EIF2B3: variants seen among roughly 807,000 people sequenced by gnomAD.
EIF2B3 encodes the protein eukaryotic translation initiation factor 2B subunit gamma, also known as translation initiation factor eIF2B subunit gamma.
Under a neutral mutation model 54.1 loss-of-function variants are expected in EIF2B3, and 20 were observed. That is an observed-to-expected ratio of 0.37 (90% CI 0.26 to 0.54). The LOEUF (loss-of-function observed/expected upper bound fraction) is 0.54. EIF2B3 is among the 20% of genes least tolerant of loss of function. The pLI is 0.86. For missense variants in EIF2B3, 448 were observed against 547.8 expected (o/e 0.82, Z 1.82); for synonymous variants, 153 against 188.1 (o/e 0.81, Z 1.52).
At chr1:44,856,185 C>T (rs1654428320) in intron 11 of EIF2B3, among the ~76,000 whole-genome samples, 1 of 152,098 alleles carries the variant, frequency 6.6e-6, no homozygotes, top group African/African-American at 2.4e-5. Context: ...TCTCACAATT[C>T]TCCAAGGTAG....
At chr1:44,887,242 C>T (rs1369279135) in intron 6 of EIF2B3, among the ~76,000 whole-genome samples, 2 of 152,196 alleles carry the variant, frequency 1.3e-5, no homozygotes, top group Non-Finnish European at 2.9e-5. Context: ...CTTCTTACAT[C>T]TGACTGGGTC....
chr1:44,892,791 T>A (rs974958478), intron 6 of EIF2B3, among the ~76,000 whole-genome samples: 3 of 152,196 alleles, frequency 2.0e-5, no homozygotes. Context: ...ACAGCCCTGT[T>A]GAGAAGGTGT....
At chr1:44,915,342 C>T (rs920598161) in intron 5 of EIF2B3, among the ~76,000 whole-genome samples, 1 of 151,966 alleles carries the variant, frequency 6.6e-6, no homozygotes, top group Non-Finnish European at 1.5e-5. Context: ...GATAGGGTCT[C>T]GTTCTGTCAT....
intron 1 of EIF2B3, among the ~76,000 whole-genome samples, chr1:44,985,853 A>G (rs1258547977): frequency 3.3e-5 from 5 of 152,214 alleles, no homozygotes; most frequent in African/African-American, 9.6e-5. Flanking sequence ...TGCCTGCATC[A>G]TAGCACTCAT....
intron 3 of EIF2B3, among the ~76,000 whole-genome samples, chr1:44,961,757 C>G (rs1158935689): frequency 6.6e-6 from 1 of 152,114 alleles, no homozygotes; most frequent in East Asian, 1.9e-4. Flanking sequence ...ATAGATGAAT[C>G]AAATGCAAGT....
chr1:44,899,810 C>T (rs1182797342), intron 5 of EIF2B3, among the ~76,000 whole-genome samples: 1 of 152,198 alleles, frequency 6.6e-6, no homozygotes, highest in East Asian at 1.9e-4. Flanking sequence ...AACTACCTCT[C>T]AACCAGCAAT....
chr1:44,880,988 A>T (rs1348498080), intron 7 of EIF2B3, among the ~76,000 whole-genome samples: 1 of 152,058 alleles, frequency 6.6e-6, no homozygotes, highest in Admixed American at 6.5e-5. Context: ...AAAAGACACA[A>T]TGCTAGTAAG....
intron 3 of EIF2B3, among the ~76,000 whole-genome samples, chr1:44,961,859 G>A (rs1321041259): frequency 1.3e-5 from 2 of 152,074 alleles, no homozygotes; most frequent in Non-Finnish European, 2.9e-5. Context: ...ATGAAAGCCT[G>A]TGTTCTTTTC....
intron 5 of EIF2B3, among the ~76,000 whole-genome samples, chr1:44,908,344 A>G (rs999576128): frequency 5.9e-5 from 9 of 152,232 alleles, no homozygotes; most frequent in Non-Finnish European, 1.3e-4. Context: ...ATAGGGGAGC[A>G]CAAAGGAAGA....
chr1:44,908,988 A>G (rs1309716001), intron 5 of EIF2B3, among the ~76,000 whole-genome samples: 2 of 152,204 alleles, frequency 1.3e-5, no homozygotes, highest in African/African-American at 4.8e-5. Flanking sequence ...GACAAATGGA[A>G]GAATGAAGAG....
intron 4 of EIF2B3, among the ~76,000 whole-genome samples, chr1:44,934,981 G>A (rs17393012): frequency 0.11 from 16,447 of 152,252 alleles, 989 homozygotes; most frequent in Non-Finnish European, 0.14. Flanking sequence ...AGTGCAGAGG[G>A]AGCTAAGCCG....
intron 5 of EIF2B3, among the ~76,000 whole-genome samples, chr1:44,901,620 G>A (rs551786435): frequency 6.2e-5 from 9 of 146,044 alleles, no homozygotes; most frequent in Non-Finnish European, 1.0e-4. Context: ...GTGCTGTGGC[G>A]TGATCACAGC....
intron 8 of EIF2B3, 142 bp from the exon 9 acceptor site, chr1:44,875,837 C>A (rs1655110374): frequency 1.4e-6 from 1 of 724,098 alleles, no homozygotes; most frequent in Non-Finnish European, 2.5e-6. Flanking sequence ...GATGCCGAGC[C>A]AAAGCTGGAC....
intron 3 of EIF2B3, among the ~76,000 whole-genome samples, chr1:44,963,187 C>A (rs1052108505): frequency 2.0e-5 from 3 of 151,486 alleles, no homozygotes; most frequent in African/African-American, 7.3e-5. Flanking sequence ...TGTACTCCAG[C>A]CTGGGCAAGA....
At chr1:44,962,386 A>T (rs1557706693) in intron 3 of EIF2B3, among the ~76,000 whole-genome samples, 1 of 152,192 alleles carries the variant, frequency 6.6e-6, no homozygotes, top group Non-Finnish European at 1.5e-5. Context: ...AGTCACTGAA[A>T]TTCATCCTTA....
At chr1:44,909,911 A>G (rs1196770332) in intron 5 of EIF2B3, among the ~76,000 whole-genome samples, 2 of 152,240 alleles carry the variant, frequency 1.3e-5, no homozygotes, top group African/African-American at 4.8e-5. Flanking sequence ...CTGTAGTCCC[A>G]GAAATACAGA....
intron 5 of EIF2B3, among the ~76,000 whole-genome samples, chr1:44,906,652 G>A (rs1246172403): frequency 2.0e-5 from 3 of 151,910 alleles, no homozygotes; most frequent in East Asian, 3.9e-4. Context: ...CGCCCACCTC[G>A]GCCTCCCAAA....
At position 44,900,445 on chromosome 1, in the gene EIF2B3, C is replaced by CAAAAA. The variant is rs34226720; in HGVS notation, c.567-3006_567-3002dup. Among the ~76,000 whole-genome samples, 201 of 43,534 alleles carry CAAAAA rather than the reference C, an allele frequency of 4.6e-3. 1 individual carries two copies. Among genetic ancestry groups the CAAAAA allele is most frequent in the East Asian group, 8.0e-3 (12 of 1,502 alleles). The allele number at this position is 43,534 out of a possible 152,430, so 28.6% of individuals were successfully genotyped here. Reference sequence around the variant, plus strand: ...CTGGGCAACAGAGCGAGAATCATCTCAAAAAAAAAAAAAAAAAAAAAAAGG... The same window carrying CAAAAA: ...CTGGGCAACAGAGCGAGAATCATCTCAAAAAAAAAAAAAAAAAAAAAAAAAAAAGG... On this transcript the variant is annotated intron_variant, in intron 5 of 11. Coordinates refer to ENST00000360403, the MANE Select transcript of EIF2B3 (RefSeq NM_020365.5).
chr1:44,965,507 T>A (rs1183488040), intron 3 of EIF2B3, among the ~76,000 whole-genome samples: 1 of 152,034 alleles, frequency 6.6e-6, no homozygotes, highest in Non-Finnish European at 1.5e-5. Flanking sequence ...TAAAGACTAC[T>A]AATGCTTAGT....
Sources: gnomAD v4.1 joint callset for allele counts (sites outside exome capture counted in the v4.1 genomes callset) on GRCh38, gnomAD v4.1.1 for gene constraint, MANE v1.5 for transcripts, NCBI Gene and HGNC (gene_info 2026-07-23, HGNC 2026-07-21) for gene names.